Variants in PCDH9 observed in about 807,000 individuals in gnomAD.
The protein encoded by PCDH9 is protocadherin-9.
Under a neutral mutation model 70.6 loss-of-function variants are expected in PCDH9, and 24 were observed. The ratio of observed to expected loss-of-function variants is 0.34; its 90% CI spans 0.25 to 0.48. The LOEUF is 0.48. PCDH9 is among the 20% of genes least tolerant of loss of function. The pLI, the probability that PCDH9 is intolerant of heterozygous loss-of-function variation, is 0.99. For synonymous variants in PCDH9, 562 were observed against 558.5 expected, an observed-to-expected ratio of 1.01 and a Z score of -0.09; for missense variants, 1,281 against 1,503.6, an observed-to-expected ratio of 0.85 and a Z score of 2.45.
chr13:66,608,613 A>T (rs570508760), intron 4 of PCDH9, among the ~76,000 whole-genome samples: 1 of 152,064 alleles, frequency 6.6e-6, no homozygotes, highest in East Asian at 1.9e-4. Flanking sequence ...GGGAATAGAC[A>T]GAGTTTGAAC....
chr13:67,184,547 G>T (rs1415346221), intron 2 of PCDH9, among the ~76,000 whole-genome samples: 1 of 152,056 alleles, frequency 6.6e-6, no homozygotes, highest in South Asian at 2.1e-4. Context: ...AGAGCAATAC[G>T]GTGAAACCCC....
chr13:66,655,593 C>A (rs1381375911), intron 3 of PCDH9, among the ~76,000 whole-genome samples: 1 of 151,434 alleles, frequency 6.6e-6, no homozygotes, highest in Non-Finnish European at 1.5e-5. Context: ...AATGATTTAT[C>A]AAGGGAATAT....
chr13:66,688,653 T>TATCTA (rs1183000280), intron 3 of PCDH9, among the ~76,000 whole-genome samples: 2 of 152,182 alleles, frequency 1.3e-5, no homozygotes, highest in African/African-American at 4.8e-5. Context: ...AGTGCAACTT[T>TATCTA]ATCTAATCTA....
intron 3 of PCDH9, among the ~76,000 whole-genome samples, chr13:66,883,808 T>TTCTCTCAATGTA (rs2081961781): frequency 1.3e-5 from 2 of 152,204 alleles, no homozygotes; most frequent in Non-Finnish European, 2.9e-5. Context: ...TGAGAAGTGC[T>TTCTCTCAATGTA]CACTCTTCTC....
intron 3 of PCDH9, among the ~76,000 whole-genome samples, chr13:66,792,215 GA>G (rs2080174639): frequency 2.6e-5 from 4 of 152,118 alleles, no homozygotes; most frequent in African/African-American, 9.7e-5. Context: ...CACAATAGTA[GA>G]AAACTGTCTG....
At chr13:66,308,524 A>T (rs1159350660) in intron 4 of PCDH9, among the ~76,000 whole-genome samples, 1 of 152,110 alleles carries the variant, frequency 6.6e-6, no homozygotes, top group Non-Finnish European at 1.5e-5. Flanking sequence ...CATGAAAGGC[A>T]GAATTTTTTT....
At chr13:67,073,374 C>T (rs1021046300) in intron 2 of PCDH9, among the ~76,000 whole-genome samples, 1 of 151,862 alleles carries the variant, frequency 6.6e-6, no homozygotes, top group African/African-American at 2.4e-5. Flanking sequence ...TCAAAACATT[C>T]CAAAATTCAT....
intron 2 of PCDH9, among the ~76,000 whole-genome samples, chr13:67,034,927 GA>G (rs1013971650): frequency 1.8e-4 from 26 of 146,172 alleles, no homozygotes; most frequent in East Asian, 2.0e-4. Flanking sequence ...TCATGCCTAT[GA>G]AAAAAAAAAG....
At chr13:67,165,397 C>G (rs2088083640) in intron 2 of PCDH9, among the ~76,000 whole-genome samples, 1 of 152,096 alleles carries the variant, frequency 6.6e-6, no homozygotes. Flanking sequence ...CAGAATATAT[C>G]ATTATACACT....
chr13:66,725,516 T>C (rs777201086), intron 3 of PCDH9, among the ~76,000 whole-genome samples: 3 of 152,218 alleles, frequency 2.0e-5, no homozygotes, highest in Non-Finnish European at 2.9e-5. Flanking sequence ...TTCTCCTAGT[T>C]ACCTCCCAGC....
chr13:66,737,225 C>A (rs1385691162), intron 3 of PCDH9, among the ~76,000 whole-genome samples: 1 of 151,938 alleles, frequency 6.6e-6, no homozygotes, highest in Non-Finnish European at 1.5e-5. Context: ...CATATAAAAA[C>A]ACGTGATTGC....
At chr13:66,440,642 A>G (rs1391860403) in intron 4 of PCDH9, among the ~76,000 whole-genome samples, 1 of 152,138 alleles carries the variant, frequency 6.6e-6, no homozygotes, top group African/African-American at 2.4e-5. Flanking sequence ...GCAAATAGCT[A>G]ATGAATAGAA....
chr13:66,710,991 T>G (rs1369606738), intron 3 of PCDH9, among the ~76,000 whole-genome samples: 4 of 152,114 alleles, frequency 2.6e-5, no homozygotes, highest in Non-Finnish European at 5.9e-5. Context: ...TCACATCTCA[T>G]AGTCCATTTC....
At chr13:66,848,983 A>G (rs2081263648) in intron 3 of PCDH9, among the ~76,000 whole-genome samples, 3 of 151,250 alleles carry the variant, frequency 2.0e-5, no homozygotes, top group Admixed American at 2.0e-4. Context: ...TTCATTGGTT[A>G]TAAAGAGCAT....
At chr13:66,897,665 T>C (rs1184550415) in intron 3 of PCDH9, among the ~76,000 whole-genome samples, 3 of 152,158 alleles carry the variant, frequency 2.0e-5, no homozygotes, top group Non-Finnish European at 2.9e-5. Context: ...CATGAGTGTA[T>C]GTAGTGTTTC....
intron 4 of PCDH9, among the ~76,000 whole-genome samples, chr13:66,606,555 T>C (rs775416880): frequency 6.6e-6 from 1 of 152,138 alleles, no homozygotes; most frequent in Non-Finnish European, 1.5e-5. Flanking sequence ...ACTGTAATAA[T>C]AGGAAAGCAT....
At chr13:66,784,819 GC>G (rs1160591440) in intron 3 of PCDH9, among the ~76,000 whole-genome samples, 3 of 152,012 alleles carry the variant, frequency 2.0e-5, no homozygotes, top group Non-Finnish European at 4.4e-5. Context: ...TTAAAATATA[GC>G]CCTGAGGTAA....
intron 2 of PCDH9, among the ~76,000 whole-genome samples, chr13:67,192,902 TC>T (rs559340554): frequency 1.4e-4 from 21 of 152,286 alleles, no homozygotes; most frequent in African/African-American, 4.6e-4. Context: ...CTATTATCTT[TC>T]AACGAGTAGC....
intron 3 of PCDH9, among the ~76,000 whole-genome samples, chr13:66,645,504 A>C (rs915538593): frequency 6.6e-6 from 1 of 152,152 alleles, no homozygotes; most frequent in African/African-American, 2.4e-5. Context: ...AATAGAGTAC[A>C]AGAGAAAGTA....
Sources: allele counts gnomAD v4.1 joint callset (sites outside exome capture counted in the v4.1 genomes callset), GRCh38; gene constraint gnomAD v4.1.1; transcripts MANE v1.5; gene names NCBI Gene and HGNC (gene_info 2026-07-23, HGNC 2026-07-21).